Variants in LDLRAD4 observed in about 807,000 individuals in gnomAD.
LDLRAD4 encodes the protein low-density lipoprotein receptor class A domain-containing protein 4.
In LDLRAD4, 5 loss-of-function variants were observed where a neutral mutation model predicts 17.0. The observed-to-expected ratio is 0.29, with a 90% CI of 0.15 to 0.62. The LOEUF is 0.62. Among genes scored for constraint, LDLRAD4 ranks in the 20% least tolerant of loss-of-function variants. LDLRAD4 has a pLI of 0.84. For missense variants in LDLRAD4, 340 were observed against 424.7 expected (o/e 0.80, Z 1.75); for synonymous variants, 168 against 171.8 (o/e 0.98, Z 0.17).
In LDLRAD4 at chr18:13,310,958, TC is replaced by T. The variant is rs548483755; in HGVS notation, c.-383+32771del. 5.9e-5 allele frequency among the ~76,000 whole-genome samples: 9 copies of T among 152,334 alleles called. 1 individual carries two copies. The South Asian group carries it at 1.9e-3, about 32-fold the overall frequency. On this transcript the variant is annotated intron_variant, in intron 1 of 5. Coordinates refer to ENST00000359446, the Ensembl canonical transcript of LDLRAD4. ...AATCCCTGTTACATCCGCTAGCATT[TC>T]TGTAGCCTTAGGTATATTACATAAC... is the stretch of plus-strand genomic sequence containing the variant.
chr18:13,634,838 A>G (rs2041951337), intron 4 of LDLRAD4, among the ~76,000 whole-genome samples: 1 of 152,194 alleles, frequency 6.6e-6, no homozygotes, highest in Non-Finnish European at 1.5e-5. Flanking sequence ...GACTTACTAC[A>G]AAGCTGTAGT....
At chr18:13,619,709 C>T (rs926806259) in intron 3 of LDLRAD4, among the ~76,000 whole-genome samples, 4 of 152,164 alleles carry the variant, frequency 2.6e-5, no homozygotes, top group Admixed American at 2.6e-4. Flanking sequence ...GCAGGCCTCA[C>T]TGACTGCCAG....
intron 1 of LDLRAD4, among the ~76,000 whole-genome samples, chr18:13,262,465 C>T (rs1419286837): frequency 1.8e-5 from 2 of 114,180 alleles, no homozygotes; most frequent in African/African-American, 7.2e-5. Context: ...CGGCTCTGTG[C>T]GTGGGGGCTG....
chr18:13,608,766 C>T (rs936283544), intron 3 of LDLRAD4, among the ~76,000 whole-genome samples: 5 of 152,204 alleles, frequency 3.3e-5, no homozygotes, highest in South Asian at 2.1e-4. Flanking sequence ...CACACAGAAA[C>T]GCTTATCTGT....
intron 3 of LDLRAD4, among the ~76,000 whole-genome samples, chr18:13,517,489 T>G (rs1685750185): frequency 6.6e-6 from 1 of 152,206 alleles, no homozygotes; most frequent in South Asian, 2.1e-4. Flanking sequence ...CTGGTGAGGC[T>G]TCCTTAGATG....
chr18:13,222,798 C>A (rs932487215), intron 1 of LDLRAD4, among the ~76,000 whole-genome samples: 7 of 152,248 alleles, frequency 4.6e-5, no homozygotes, highest in African/African-American at 1.7e-4. Flanking sequence ...GGTCCACACT[C>A]CCGTTCTTCC....
At chr18:13,287,316 ATCTGT>A (rs1213752480) in intron 1 of LDLRAD4, among the ~76,000 whole-genome samples, 1 of 152,192 alleles carries the variant, frequency 6.6e-6, no homozygotes, top group Admixed American at 6.5e-5. Flanking sequence ...AATCAGGATG[ATCTGT>A]TCTGTTATCA....
Position 13,438,954 on chromosome 18 carries a change from G to C in LDLRAD4, c.181+570G>C, listed in dbSNP as rs115057220. ...GTTGGTTTTCGATCTCATGGTTTTTGTGACAAGGAAAGAGAAAGAAGGCAG... is the reference window on the plus strand; with the variant it reads ...GTTGGTTTTCGATCTCATGGTTTTTCTGACAAGGAAAGAGAAAGAAGGCAG... On this transcript the variant is annotated intron_variant, in intron 3 of 5. Coordinates refer to ENST00000359446, the Ensembl canonical transcript of LDLRAD4. 8.3e-3 allele frequency among the ~76,000 whole-genome samples: 1,268 copies of C among 152,322 alleles called. 11 individuals carry two copies. Among genetic ancestry groups the C allele is most frequent in the African/African-American group, 0.028 (1,165 of 41,570 alleles).
intron 1 of LDLRAD4, among the ~76,000 whole-genome samples, chr18:13,226,211 G>C (rs796496298): frequency 1.4e-4 from 2 of 14,314 alleles, no homozygotes; most frequent in East Asian, 1.5e-3. Context: ...TGTAGAGACC[G>C]GGTTTCGCCA....
At chr18:13,527,142 C>T (rs1056150531) in intron 3 of LDLRAD4, among the ~76,000 whole-genome samples, 11 of 152,206 alleles carry the variant, frequency 7.2e-5, no homozygotes, top group African/African-American at 1.7e-4. Context: ...CATTAAGTTT[C>T]GTGCTTTTAC....
intron 1 of LDLRAD4, among the ~76,000 whole-genome samples, chr18:13,346,904 G>C (rs1258588207): frequency 6.6e-6 from 1 of 151,028 alleles, no homozygotes; most frequent in East Asian, 1.9e-4. Flanking sequence ...TGCAACTCCT[G>C]TCTGTTTTCC....
intron 3 of LDLRAD4, among the ~76,000 whole-genome samples, chr18:13,496,122 T>C (rs1246678951): frequency 6.6e-6 from 1 of 152,176 alleles, no homozygotes; most frequent in Admixed American, 6.5e-5. Context: ...TTGCCATGGG[T>C]ACCAGTGAGG....
chr18:13,624,739 G>A (rs1351571479), intron 4 of LDLRAD4, among the ~76,000 whole-genome samples: 1 of 152,204 alleles, frequency 6.6e-6, no homozygotes, highest in African/African-American at 2.4e-5. Flanking sequence ...CCCCTCCCAA[G>A]GGGCTTGGAA....
At chr18:13,641,249 A>G (rs2042523239) in intron 4 of LDLRAD4, among the ~76,000 whole-genome samples, 1 of 152,190 alleles carries the variant, frequency 6.6e-6, no homozygotes, top group Admixed American at 6.5e-5. Flanking sequence ...CAGCTTGGGC[A>G]GCATAGCGAG....
At chr18:13,417,783 G>A (rs963322336) in intron 2 of LDLRAD4, among the ~76,000 whole-genome samples, 3 of 152,144 alleles carry the variant, frequency 2.0e-5, no homozygotes, top group African/African-American at 7.2e-5. Context: ...CAGTGGCCTG[G>A]AGATGTCAGT....
At chr18:13,571,079 T>C (rs986047975) in intron 3 of LDLRAD4, among the ~76,000 whole-genome samples, 25 of 152,164 alleles carry the variant, frequency 1.6e-4, no homozygotes, top group African/African-American at 6.0e-4. Flanking sequence ...CTCAGCCTCC[T>C]GAAGTGCTGG....
At chr18:13,305,389 T>G (rs2046852689) in intron 1 of LDLRAD4, among the ~76,000 whole-genome samples, 2 of 152,240 alleles carry the variant, frequency 1.3e-5, no homozygotes, top group Non-Finnish European at 1.5e-5. Flanking sequence ...GCTATTGTGG[T>G]CAGCTCAAGT....
At chr18:13,438,356 C>G (rs755802486) in exon 3 of LDLRAD4, 4 of 1,613,932 alleles carry the variant, frequency 2.5e-6, no homozygotes, top group East Asian at 4.5e-5. Flanking sequence ...TCCTGGTGAC[C>G]GAGCACCCGC....
intron 3 of LDLRAD4, among the ~76,000 whole-genome samples, chr18:13,609,310 G>A (rs1453419555): frequency 6.6e-6 from 1 of 152,192 alleles, no homozygotes; most frequent in Non-Finnish European, 1.5e-5. Context: ...CCTGAGTCAC[G>A]ACTTGACCTC....
Sources: gnomAD v4.1 joint callset for allele counts (sites outside exome capture counted in the v4.1 genomes callset) on GRCh38, gnomAD v4.1.1 for gene constraint, MANE v1.5 for transcripts, NCBI Gene and HGNC (gene_info 2026-07-23, HGNC 2026-07-21) for gene names.